Variants in RASL11B observed in about 807,000 individuals in gnomAD.
RASL11B encodes RAS like family 11 member B, also known as ras-like protein family member 11B.
In RASL11B, 14 loss-of-function variants were observed where a neutral mutation model predicts 22.9. That is an observed-to-expected ratio of 0.61 (90% CI 0.40 to 0.96). The LOEUF is 0.96. RASL11B is among the 40% of genes least tolerant of loss of function. RASL11B has a pLI of 0.00. For synonymous variants in RASL11B, 143 were observed against 130.2 expected (o/e 1.10, Z -0.67); for missense variants, 261 against 322.0 (o/e 0.81, Z 1.45).
chr4:52,862,481 C>T lies in RASL11B; in HGVS notation c.-27C>T, dbSNP rs765950935. On this transcript the variant is annotated 5_prime_UTR_variant, in exon 1 of 4. Coordinates refer to ENST00000248706, the MANE Select transcript of RASL11B (RefSeq NM_023940.3). Reference sequence around the variant, plus strand: ...GCATTCTCCAGTCCCTCAGTCCCTTCCCGCGCGGTGCGCCGCAGCCGAGGC... The same window carrying T: ...GCATTCTCCAGTCCCTCAGTCCCTTTCCGCGCGGTGCGCCGCAGCCGAGGC... 6.3e-7 allele frequency: 1 copy of T among 1,600,000 alleles called. No homozygotes were observed. The highest frequency in any genetic ancestry group is 8.5e-7 in the Non-Finnish European group (1 of 1,174,766).
At chr4:52,862,757 G>A (rs1718183864) in intron 1 of RASL11B, 108 bp downstream of exon 1, 3 of 1,305,402 alleles carry the variant, frequency 2.3e-6, no homozygotes, top group East Asian at 2.7e-5. Flanking sequence ...ACCGCTCTCC[G>A]TCCCCGCGCA....
In RASL11B at chr4:52,866,601, G is replaced by A. The variant is rs1004685817; in HGVS notation, c.*796G>A. ...GTTCCATCAGGAAAAAAATGTGTCA[G>A]TTGATTTTGGTGTGACTTGTGTAAA... is the stretch of plus-strand genomic sequence containing the variant. On this transcript the variant is annotated 3_prime_UTR_variant, in exon 4 of 4. Transcript: ENST00000248706. 7 of 152,570 alleles carry A rather than the reference G, an allele frequency of 4.6e-5. No individual in the cohort carries two copies. The highest frequency in any genetic ancestry group is 1.7e-4 in the African/African-American group (7 of 41,410). 9.5% of individuals were successfully genotyped at this position (152,570 alleles called of 1,614,324 possible). A position where few individuals can be genotyped will look rare whatever the true frequency, so the allele number is the denominator to read the frequency against.
At position 52,865,453 on chromosome 4, in the gene RASL11B, T is replaced by A. The variant is rs774747143; in HGVS notation, c.395T>A (p.Leu132His). ...AAGAGCTATGAACTCATCAGCCAGCTCCACCAGCACGTGCAGCAGCTACAC... is the reference window on the plus strand; with the variant it reads ...AAGAGCTATGAACTCATCAGCCAGCACCACCAGCACGTGCAGCAGCTACAC... ...DYKSYELISQ[L>H]HQHVQQLHLG... is the part of the protein sequence containing the mutation. Residue 132 changes from leucine to histidine, a missense_variant, in exon 4 of 4, where the codon CTC becomes CAC. Transcript: ENST00000248706. 29 of 1,614,136 alleles carry A rather than the reference T, an allele frequency of 1.8e-5. No homozygotes were observed. Among genetic ancestry groups the A allele is most frequent in the Non-Finnish European group, 2.5e-5 (29 of 1,180,018 alleles).
rs770210766 is a variant in RASL11B, at chr4:52,865,334, G to C, written c.277-1G>C. 1.9e-6 allele frequency: 3 copies of C among 1,601,008 alleles called. No individual in the cohort carries two copies. The South Asian group carries it at 3.3e-5, about 18-fold the overall frequency. On this transcript the variant is annotated splice_acceptor_variant, in intron 3 of 3. Coordinates refer to ENST00000248706, the MANE Select transcript of RASL11B (RefSeq NM_023940.3). LOFTEE classifies it high-confidence loss of function. ...ACCTTGCCATCACTCCTCTCTTTCA[G>C]GTCCATGAGAACAGCCTGAGCTGCA... is the stretch of plus-strand genomic sequence containing the variant.
rs533814879 is a variant in RASL11B at position 52,862,639 on chromosome 4, G to A, written c.132G>A (p.Val44=). The A allele has an allele frequency of 6.4e-7, 1 of 1,572,960 alleles. No homozygotes were observed. Among genetic ancestry groups the A allele is most frequent in the South Asian group, 1.2e-5 (1 of 86,384 alleles). Residue 44 remains valine (V), a synonymous_variant, in exon 1 of 4, where the codon GTG becomes GTA. Coordinates refer to ENST00000248706, the MANE Select transcript of RASL11B (RefSeq NM_023940.3). ...TCGCCGTGGTGGGCGCCAGCGGCGT[G>A]GGCAAGACCGGTGAGTCGTCGCGCT... ...VKIAVVGASG[V]GKTALVVRFL...
In RASL11B at chr4:52,865,782, G is replaced by A. The variant is rs780239500; in HGVS notation, c.724G>A (p.Val242Met). The A allele has an allele frequency of 1.9e-5, 31 of 1,613,686 alleles. No individual in the cohort carries two copies. The highest frequency in any genetic ancestry group is 1.7e-4 in the Middle Eastern group (1 of 6,052). Residue 242 changes from valine (V) to methionine (M), a missense_variant, in exon 4 of 4, where the codon GTG (valine) becomes ATG (methionine). By Grantham distance (21) the Val-to-Met change is conservative. Coordinates refer to ENST00000248706, the MANE Select transcript of RASL11B (RefSeq NM_023940.3). ...RRFKQALSAK[V>M]RTVTSV ...GTTTAAGCAAGCCCTCTCTGCCAAAGTGAGGACTGTCACCTCCGTCTGAAG... is the reference window on the plus strand; with the variant it reads ...GTTTAAGCAAGCCCTCTCTGCCAAAATGAGGACTGTCACCTCCGTCTGAAG...
In RASL11B at chr4:52,865,406, C is replaced by T. The variant is rs147480345; in HGVS notation, c.348C>T (p.Ile116=). The T allele has an allele frequency of 1.1e-5, 18 of 1,614,050 alleles. No individual in the cohort carries two copies. Among genetic ancestry groups the T allele is most frequent in the Non-Finnish European group, 1.0e-5 (12 of 1,180,038 alleles). The change falls in exon 4 of 4, where the codon ATC becomes ATT. Residue 116 remains isoleucine (I), a synonymous_variant. Coordinates refer to ENST00000248706, the MANE Select transcript of RASL11B (RefSeq NM_023940.3). ...RCIRWADAVV[I]VFSITDYKSY... is the part of the protein sequence containing the mutation. ...TTCGCTGGGCAGATGCTGTGGTGAT[C>T]GTTTTCTCCATCACTGACTACAAGA...
In RASL11B at chr4:52,865,643, C is replaced by T. The variant is rs112912221; in HGVS notation, c.585C>T (p.His195=). The T allele has an allele frequency of 4.7e-4, 764 of 1,614,186 alleles. 5 individuals carry two copies. The African/African-American group carries it at 9.0e-3, about 19-fold the overall frequency. ...ENYNDVYSAF[H]VLCKEVSHKQ... The stretch of plus-strand genomic sequence containing the variant: ...ATAATGATGTCTACAGCGCCTTCCA[C>T]GTCCTCTGTAAAGAGGTCAGTCACA... The change falls in exon 4 of 4, where the codon CAC becomes CAT. Residue 195 remains histidine (H), a synonymous_variant. Transcript: ENST00000248706.
At chr4:52,863,520 C>G in intron 2 of RASL11B, 196 bp downstream of exon 2, 1 of 598,944 alleles carries the variant, frequency 1.7e-6, no homozygotes, top group Non-Finnish European at 3.0e-6. Flanking sequence ...CCATTCCAAG[C>G]CCATTCATCA....
intron 2 of RASL11B, among the ~76,000 whole-genome samples, chr4:52,863,898 C>G (rs1462263739): frequency 6.6e-6 from 1 of 152,200 alleles, no homozygotes; most frequent in Non-Finnish European, 1.5e-5. Context: ...AGCTTTCTGC[C>G]TATGCTCTGT....
chr4:52,863,414 T>G (rs1234353202), intron 2 of RASL11B, 90 bp downstream of exon 2: 2 of 1,094,498 alleles, frequency 1.8e-6, no homozygotes, highest in African/African-American at 3.1e-5. Context: ...GTTCTTTCAG[T>G]GACAGTCCGA....
At position 52,865,289 on chromosome 4, in the gene RASL11B, T is replaced by C. The variant is rs1438809508; in HGVS notation, c.277-46T>C. On this transcript the variant is annotated intron_variant, in intron 3 of 3. Transcript: ENST00000248706. ...GAAATCTACCCAAGCCCAGGCTCTT[T>C]GTACAACTGGCCAGCATTCACCTTG... The C allele has an allele frequency of 6.6e-6, 10 of 1,508,996 alleles. No individual in the cohort carries two copies. In the East Asian group the frequency reaches 2.3e-4, roughly 34 times the overall value. The allele number at this position is 1,508,996 out of a possible 1,614,324, so 93.5% of individuals were successfully genotyped here.
At chr4:52,865,114 A>G (rs1191467799) in intron 3 of RASL11B, among the ~76,000 whole-genome samples, 6 of 152,184 alleles carry the variant, frequency 3.9e-5, no homozygotes, top group East Asian at 3.9e-4. Flanking sequence ...CTGCAGGTCA[A>G]TTTTCCACTT....
Position 52,864,530 on chromosome 4 carries a change from G to A in RASL11B, c.252G>A (p.Gln84=), listed in dbSNP as rs758755306. ...VQIEGETLAL[Q]VQDTPGIQVH... ...TAGAAGGTGAAACCCTGGCTCTTCA[G>A]GTTCAAGACACTCCAGGTATTCAGG... Residue 84 remains glutamine, a synonymous_variant, in exon 3 of 4, where the codon CAG becomes CAA. Transcript: ENST00000248706. 1 of 1,610,594 alleles carries A rather than the reference G, an allele frequency of 6.2e-7. No individual in the cohort carries two copies. Among genetic ancestry groups the A allele is most frequent in the Admixed American group, 1.7e-5 (1 of 60,020 alleles).
intron 1 of RASL11B, among the ~76,000 whole-genome samples, 159 bp downstream of exon 1, chr4:52,862,808 A>G (rs1427746846): frequency 1.3e-5 from 2 of 152,148 alleles, no homozygotes; most frequent in Non-Finnish European, 2.9e-5. Flanking sequence ...GCCGTTGTCT[A>G]CGCCACCCGC....
Position 52,862,360 on chromosome 4 carries a change from G to GGCCCCCCCCC in RASL11B, c.-148_-147insGCCCCCCCCC. On this transcript the variant is annotated 5_prime_UTR_variant, in exon 1 of 4. Transcript: ENST00000248706. ...GAGCCCTGCGGAACCTCGGCGCTCG[G>GGCCCCCCCCC]CCCCACCCCGCCCGTACCTGCACTT... The GGCCCCCCCCC allele has an allele frequency of 2.9e-6, 2 of 688,872 alleles. No individual in the cohort carries two copies. The highest frequency in any genetic ancestry group is 2.0e-5 in the African/African-American group (1 of 51,266). The allele number at this position is 688,872 out of a possible 1,614,324, so 42.7% of individuals were successfully genotyped here. A position where few individuals can be genotyped will look rare whatever the true frequency, so the allele number is the denominator to read the frequency against.
chr4:52,864,031 A>C (rs959296227), intron 2 of RASL11B: 1 of 165,578 alleles, frequency 6.0e-6, no homozygotes, highest in African/African-American at 2.4e-5. Context: ...GTTGATTATA[A>C]TTATATCACA....
chr4:52,864,223 A>G, intron 2 of RASL11B: 1 of 371,942 alleles, frequency 2.7e-6, no homozygotes, highest in South Asian at 4.5e-5. Flanking sequence ...CTAAAAATGG[A>G]AACTTTGTTT....
intron 2 of RASL11B, chr4:52,863,599 C>G: frequency 4.6e-6 from 2 of 435,852 alleles, no homozygotes; most frequent in Non-Finnish European, 8.4e-6. Context: ...TGGAAGCACC[C>G]TTTGTAGTCA....
Sources: allele counts gnomAD v4.1 joint callset (sites outside exome capture counted in the v4.1 genomes callset), GRCh38; gene constraint gnomAD v4.1.1; transcripts MANE v1.5; gene names NCBI Gene and HGNC (gene_info 2026-07-23, HGNC 2026-07-21).